The following ARHGEF10 variants were observed in gnomAD, a reference collection of about 807,000 sequenced individuals.
The protein encoded by ARHGEF10 is Rho guanine nucleotide exchange factor 10, also known as Rho guanine nucleotide exchange factor (GEF) 10.
In ARHGEF10, 140 loss-of-function variants were observed where a neutral mutation model predicts 147.4. The ratio of observed to expected loss-of-function variants is 0.95; its 90% CI spans 0.83 to 1.09. The LOEUF is 1.09. ARHGEF10 is among the 50% of genes least tolerant of loss of function. The pLI, the probability that ARHGEF10 is intolerant of heterozygous loss-of-function variation, is 0.00. For missense variants in ARHGEF10, 2,222 were observed against 1,752.7 expected (o/e 1.27, Z -4.78); for synonymous variants, 902 against 695.8 (o/e 1.30, Z -4.67).
chr8:1,896,362 C>CAT lies in ARHGEF10; in HGVS notation c.1471_1472insTA (p.Ser491IlefsTer5). On this transcript the variant is annotated frameshift_variant, in exon 14 of 29. Transcript: ENST00000349830. LOFTEE classifies it high-confidence loss of function. ...CTAAGTCCATGGTGCTGGATGCATA[C>CAT]AGTGAATATGTGAACAATTTCAGCA... 1.2e-6 allele frequency: 2 copies of CAT among 1,613,972 alleles called. No individual in the cohort carries two copies. Among genetic ancestry groups the CAT allele is most frequent in the South Asian group, 2.2e-5 (2 of 91,080 alleles).
intron 18 of ARHGEF10, 99 bp from the exon 19 acceptor site, chr8:1,922,865 A>T: frequency 1.2e-6 from 1 of 839,912 alleles, no homozygotes; most frequent in Non-Finnish European, 1.9e-6. Context: ...CCCTCAACTT[A>T]AAAATTATTT....
chr8:1,934,427 G>A (rs1416463678), intron 26 of ARHGEF10, among the ~76,000 whole-genome samples: 1 of 150,214 alleles, frequency 6.7e-6, no homozygotes, highest in Non-Finnish European at 1.5e-5. Flanking sequence ...AGATTAGCAA[G>A]AAAATTCAAC....
intron 5 of ARHGEF10, among the ~76,000 whole-genome samples, chr8:1,865,320 C>A (rs1806488971): frequency 1.3e-5 from 2 of 150,798 alleles, no homozygotes; most frequent in South Asian, 4.2e-4. Context: ...ACCCAGGGGG[C>A]CGTCACCAGG....
At chr8:1,889,578 GT>G (rs1330315811) in intron 11 of ARHGEF10, among the ~76,000 whole-genome samples, 1 of 112,288 alleles carries the variant, frequency 8.9e-6, no homozygotes, top group Non-Finnish European at 1.9e-5. Context: ...ACTGAGTGGG[GT>G]GAGGGGTTTG....
At chr8:1,891,707 A>C (rs1809541726) in intron 11 of ARHGEF10, among the ~76,000 whole-genome samples, 1 of 152,148 alleles carries the variant, frequency 6.6e-6, no homozygotes, top group East Asian at 1.9e-4. Context: ...ACTTTAGGTC[A>C]GGCTTCTCAG....
At chr8:1,892,329 T>TGTG (rs1563244763) in intron 11 of ARHGEF10, among the ~76,000 whole-genome samples, 5 of 94,332 alleles carry the variant, frequency 5.3e-5, no homozygotes, top group Non-Finnish European at 8.3e-5. Flanking sequence ...GTGTGTGTGT[T>TGTG]TAATCCCAGC....
chr8:1,950,923 C>T (rs1022971606), intron 27 of ARHGEF10, among the ~76,000 whole-genome samples: 3 of 152,038 alleles, frequency 2.0e-5, no homozygotes, highest in South Asian at 4.1e-4. Context: ...ATTACAGGAG[C>T]CCTTCCAGAA....
intron 1 of ARHGEF10, among the ~76,000 whole-genome samples, chr8:1,832,691 G>T (rs1232807149): frequency 1.1e-5 from 1 of 90,300 alleles, no homozygotes; most frequent in African/African-American, 3.6e-5. Flanking sequence ...GACAGAGACA[G>T]AGAGACAGGC....
rs754136956 is a variant in ARHGEF10 at position 1,858,103 on chromosome 8, C to G, written c.181C>G (p.Pro61Ala). ...AGGAGGTGCTGGAGCCAGTGAAGCC[C>G]CTGCACCCACAGGTGAGTTTCCAGG... ...ETGGAGASEA[P>A]APTGGEDGAG... Residue 61 changes from proline to alanine, a missense_variant, in exon 3 of 29, where the codon CCT (proline) becomes GCT (alanine). Physicochemically the swap from Pro to Ala is conservative, Grantham distance 27. Transcript: ENST00000349830. 6.4e-7 allele frequency: 1 copy of G among 1,554,124 alleles called. No individual in the cohort carries two copies. The highest frequency in any genetic ancestry group is 1.1e-5 in the South Asian group (1 of 87,946).
rs1395734996 is a variant in ARHGEF10 at position 1,920,834 on chromosome 8, G to C, written c.2144-2130G>C. On this transcript the variant is annotated intron_variant, in intron 18 of 28. Transcript: ENST00000349830. ...AGTTTAGCTCTTGTTGCCCAGGCTG[G>C]AGTGCAATGGCATGATCTTGGCTCA... Among the ~76,000 whole-genome samples the C allele has an allele frequency of 3.3e-5, 5 of 151,942 alleles. No homozygotes were observed. The South Asian group carries it at 8.3e-4, about 25-fold the overall frequency.
At chr8:1,864,645 G>A (rs1323896216) in intron 5 of ARHGEF10, among the ~76,000 whole-genome samples, 1 of 152,220 alleles carries the variant, frequency 6.6e-6, no homozygotes, top group Non-Finnish European at 1.5e-5. Flanking sequence ...TCTGATAACT[G>A]GGTCTGATTT....
At chr8:1,884,748 TA>T (rs1313561801) in intron 10 of ARHGEF10, among the ~76,000 whole-genome samples, 1 of 152,126 alleles carries the variant, frequency 6.6e-6, no homozygotes, top group Non-Finnish European at 1.5e-5. Flanking sequence ...AGCTGTGTTT[TA>T]AAAAAATGAA....
Position 1,893,751 on chromosome 8 carries a change from C to T in ARHGEF10, c.1260+105C>T, listed in dbSNP as rs536127170. On this transcript the variant is annotated intron_variant, in intron 12 of 28. Transcript: ENST00000349830. ...AAGCATATATGTTTATGAAACATAA[C>T]ATGCAAATTTGCAAAATTCTCAAAA... is the stretch of plus-strand genomic sequence containing the variant. The T allele has an allele frequency of 1.5e-5, 15 of 986,414 alleles. No individual in the cohort carries two copies. In the East Asian group the frequency reaches 1.8e-4, roughly 12 times the overall value. 61.1% of individuals were successfully genotyped at this position (986,414 alleles called of 1,614,324 possible). A position where few individuals can be genotyped will look rare whatever the true frequency, so the allele number is the denominator to read the frequency against.
chr8:1,871,415 C>G (rs1050541442), intron 7 of ARHGEF10, among the ~76,000 whole-genome samples: 1 of 151,348 alleles, frequency 6.6e-6, no homozygotes, highest in Non-Finnish European at 1.5e-5. Context: ...AACTCATGGT[C>G]AAAGATAAAA....
chr8:1,859,902 G>A lies in ARHGEF10; in HGVS notation c.199G>A (p.Glu67Lys), dbSNP rs367808477. 40 of 1,614,112 alleles carry A rather than the reference G, an allele frequency of 2.5e-5. No individual in the cohort carries two copies. Among genetic ancestry groups the A allele is most frequent in the Middle Eastern group, 1.7e-4 (1 of 6,054 alleles). ...AGTCCTTTCTGCATCCCCAGGAGGT[G>A]AGGATGGAGCTGGAGCAGAAACCAC... ...ASEAPAPTGGEDGAGAETTPV... is the reference protein window; with the variant it reads ...ASEAPAPTGGKDGAGAETTPV... Residue 67 changes from glutamate (E) to lysine (K), a missense_variant, in exon 4 of 29, where the codon GAG becomes AAG. Transcript: ENST00000349830.
chr8:1,824,026 G>GACGGCGGGGAACGGCGGGGA lies in ARHGEF10; in HGVS notation c.-123_-122insGGCGGGGAACGGCGGGGAAC, dbSNP rs1563137410. 5.0e-5 allele frequency: 6 copies of GACGGCGGGGAACGGCGGGGA among 119,488 alleles called. No homozygotes were observed. The highest frequency in any genetic ancestry group is 3.0e-4 in the South Asian group (1 of 3,344). 7.4% of individuals were successfully genotyped at this position (119,488 alleles called of 1,614,324 possible). A position where few individuals can be genotyped will look rare whatever the true frequency, so the allele number is the denominator to read the frequency against. Reference sequence around the variant, plus strand: ...CGGGGGACGGCGGGGAACGGCGGGGGACGGCGGGGAACAGCGGGGGACGGC... The same window carrying GACGGCGGGGAACGGCGGGGA: ...CGGGGGACGGCGGGGAACGGCGGGGGACGGCGGGGAACGGCGGGGAACGGCGGGGAACAGCGGGGGACGGC... On this transcript the variant is annotated 5_prime_UTR_variant, in exon 1 of 29. Coordinates refer to ENST00000349830, the MANE Select transcript of ARHGEF10 (RefSeq NM_014629.4).
chr8:1,924,947 C>T (rs983831528), intron 21 of ARHGEF10, among the ~76,000 whole-genome samples: 2 of 152,180 alleles, frequency 1.3e-5, no homozygotes, highest in Non-Finnish European at 2.9e-5. Context: ...ATTTCTTTTG[C>T]TTTGGAAAAA....
At chr8:1,905,353 G>A (rs1290465485) in intron 16 of ARHGEF10, among the ~76,000 whole-genome samples, 1 of 152,174 alleles carries the variant, frequency 6.6e-6, no homozygotes, top group Non-Finnish European at 1.5e-5. Flanking sequence ...ACCGTTCCTG[G>A]TTAATGTAGT....
rs774094638 is a variant in ARHGEF10 at position 1,903,446 on chromosome 8, A to G, written c.1816A>G (p.Asn606Asp). 7.0e-5 allele frequency: 113 copies of G among 1,614,038 alleles called. No individual in the cohort carries two copies. The highest frequency in any genetic ancestry group is 9.4e-5 in the Non-Finnish European group (111 of 1,180,052). Reference protein sequence around the residue: ...IAKAINERYLNKLLSSGSRYL... With the variant: ...IAKAINERYLDKLLSSGSRYL... ...CAAAGCCATAAACGAAAGATACCTGAACAAGGTTGAGAGAGGTTTTCTTCA... is the reference window on the plus strand; with the variant it reads ...CAAAGCCATAAACGAAAGATACCTGGACAAGGTTGAGAGAGGTTTTCTTCA... The change falls in exon 16 of 29, where the codon AAC (asparagine) becomes GAC (aspartate). Residue 606 changes from asparagine (N) to aspartate (D), a missense_variant. Coordinates refer to ENST00000349830, the MANE Select transcript of ARHGEF10 (RefSeq NM_014629.4).
Sources: gnomAD v4.1 joint callset for allele counts (sites outside exome capture counted in the v4.1 genomes callset) on GRCh38, gnomAD v4.1.1 for gene constraint, MANE v1.5 for transcripts, NCBI Gene and HGNC (gene_info 2026-07-23, HGNC 2026-07-21) for gene names.